OR4N2: variants seen among roughly 807,000 people sequenced by gnomAD.
OR4N2 encodes the protein olfactory receptor family 4 subfamily N member 2.
For missense variants in OR4N2, 307 were observed against 377.6 expected (o/e 0.81, Z 1.55); for synonymous variants, 141 against 140.4 (o/e 1.00, Z -0.03).
intron 1 of OR4N2, among the ~76,000 whole-genome samples, chr14:19,821,111 A>T (rs1221960227): frequency 6.6e-6 from 1 of 152,258 alleles, no homozygotes; most frequent in Non-Finnish European, 1.5e-5. Flanking sequence ...CCATGGGAAA[A>T]GCCTAGTATC....
At chr14:19,811,407 T>C (rs796078944) in intron 1 of OR4N2, among the ~76,000 whole-genome samples, 1 of 152,192 alleles carries the variant, frequency 6.6e-6, no homozygotes, top group Admixed American at 6.5e-5. Context: ...CCACCACGCC[T>C]GGCTAATTTT....
chr14:19,824,147 G>A (rs1283927227), intron 1 of OR4N2, among the ~76,000 whole-genome samples: 2 of 152,224 alleles, frequency 1.3e-5, no homozygotes, highest in Admixed American at 1.3e-4. Flanking sequence ...CTACTAATTT[G>A]CCTAAAATAG....
intron 1 of OR4N2, among the ~76,000 whole-genome samples, chr14:19,813,154 T>C (rs1259799564): frequency 1.3e-5 from 2 of 152,264 alleles, no homozygotes; most frequent in Non-Finnish European, 2.9e-5. Flanking sequence ...AAAAATCATA[T>C]TTTTAAAAGT....
rs928783980 is a variant in OR4N2 at position 19,829,832 on chromosome 14, A to G, written c.*1460A>G. ...ATACTTAGGAATATAAATTTTGTAC[A>G]TGGTAAAAATATTCAGACTATAGAA... On this transcript the variant is annotated 3_prime_UTR_variant, in exon 2 of 2. Transcript: ENST00000557677. 10 of 152,272 alleles carry G rather than the reference A, an allele frequency of 6.6e-5. No homozygotes were observed. Among genetic ancestry groups the G allele is most frequent in the African/African-American group, 2.2e-4 (9 of 41,474 alleles). 9.4% of individuals were successfully genotyped at this position (152,272 alleles called of 1,614,324 possible).
chr14:19,804,441 G>A (rs1879114570), intron 1 of OR4N2, among the ~76,000 whole-genome samples: 1 of 152,110 alleles, frequency 6.6e-6, no homozygotes, highest in Non-Finnish European at 1.5e-5. Context: ...CTTGACTTCT[G>A]CCTGAATTTC....
At chr14:19,824,986 G>C (rs540328798) in intron 1 of OR4N2, among the ~76,000 whole-genome samples, 1 of 152,246 alleles carries the variant, frequency 6.6e-6, no homozygotes, top group African/African-American at 2.4e-5. Context: ...ACTGTAGAAG[G>C]GGCTCTTGAT....
At chr14:19,824,651 C>A (rs542741698) in intron 1 of OR4N2, among the ~76,000 whole-genome samples, 2 of 152,352 alleles carry the variant, frequency 1.3e-5, no homozygotes, top group African/African-American at 4.8e-5. Context: ...CCTTCCTTTT[C>A]CTTCTCCTCC....
At chr14:19,808,167 C>G (rs1197034867) in intron 1 of OR4N2, among the ~76,000 whole-genome samples, 3 of 152,158 alleles carry the variant, frequency 2.0e-5, no homozygotes, top group Non-Finnish European at 2.9e-5. Context: ...CCCTTAAGAA[C>G]TGGAAAAGGA....
At chr14:19,808,383 G>A (rs1879217111) in intron 1 of OR4N2, among the ~76,000 whole-genome samples, 2 of 152,132 alleles carry the variant, frequency 1.3e-5, no homozygotes, top group Admixed American at 6.5e-5. Context: ...TTTTAGGAAG[G>A]TTTCAGGACA....
At chr14:19,814,868 G>A (rs578231323) in intron 1 of OR4N2, among the ~76,000 whole-genome samples, 2 of 152,150 alleles carry the variant, frequency 1.3e-5, no homozygotes, top group South Asian at 2.1e-4. Context: ...TCCCCTCGCT[G>A]TTTCCCTGTG....
intron 1 of OR4N2, among the ~76,000 whole-genome samples, chr14:19,827,008 G>A (rs1158007446): frequency 3.3e-5 from 5 of 152,232 alleles, no homozygotes; most frequent in Non-Finnish European, 7.3e-5. Flanking sequence ...AAATTTTGGG[G>A]TGGTGTGGAC....
Position 19,828,048 on chromosome 14 carries a change from C to T in OR4N2, c.600C>T (p.Val200=). The T allele has an allele frequency of 6.2e-7, 1 of 1,614,238 alleles. No individual in the cohort carries two copies. Among genetic ancestry groups the T allele is most frequent in the Non-Finnish European group, 8.5e-7 (1 of 1,180,042 alleles). ...CATTTGTGGTGGAGCTTCTGATGGT[C>T]TTCAACAGTGGCCTGATGACACTCC... is the stretch of plus-strand genomic sequence containing the variant. The part of the protein sequence containing the change: ...TDTFVVELLM[V]FNSGLMTLLC... The change falls in exon 2 of 2, where the codon GTC becomes GTT. Residue 200 remains valine, a synonymous_variant. Coordinates refer to ENST00000557677, the MANE Select transcript of OR4N2 (RefSeq NM_001004723.3).
At chr14:19,823,973 G>T (rs1189577266) in intron 1 of OR4N2, among the ~76,000 whole-genome samples, 3 of 152,332 alleles carry the variant, frequency 2.0e-5, no homozygotes, top group South Asian at 4.1e-4. Flanking sequence ...ATGTTTCTGT[G>T]TCTCCACCCT....
chr14:19,819,330 C>T (rs1319314333), intron 1 of OR4N2, among the ~76,000 whole-genome samples: 7 of 152,356 alleles, frequency 4.6e-5, no homozygotes, highest in East Asian at 1.9e-4. Context: ...ACCAATCAAA[C>T]GTAGGTTTGG....
intron 1 of OR4N2, among the ~76,000 whole-genome samples, chr14:19,816,511 A>T (rs1403448216): frequency 6.6e-6 from 1 of 152,238 alleles, no homozygotes; most frequent in African/African-American, 2.4e-5. Context: ...TTAATGGTGT[A>T]TAGGAATGTT....
In OR4N2 at chr14:19,808,131, C is replaced by T. The variant is rs1012314500; in HGVS notation, c.-10+4287C>T. On this transcript the variant is annotated intron_variant, in intron 1 of 1. Transcript: ENST00000557677. ...TGACAGACCCACAGCCAACATGATA[C>T]TGAATGGCAAAAGCTGGAAGTATTC... Among the ~76,000 whole-genome samples, 32 of 152,214 alleles carry T rather than the reference C, an allele frequency of 2.1e-4. No homozygotes were observed. In the Middle Eastern group the frequency reaches 0.01, roughly 49 times the overall value.
chr14:19,807,564 C>A (rs1361593630), intron 1 of OR4N2, among the ~76,000 whole-genome samples: 2 of 148,692 alleles, frequency 1.3e-5, no homozygotes, highest in African/African-American at 2.5e-5. Context: ...AGACCAACAT[C>A]AAGCTGTGAA....
At chr14:19,805,375 A>G (rs1221849769) in intron 1 of OR4N2, among the ~76,000 whole-genome samples, 1 of 152,196 alleles carries the variant, frequency 6.6e-6, no homozygotes, top group East Asian at 1.9e-4. Context: ...CTGAAAGACA[A>G]AATAACCACT....
In OR4N2 at chr14:19,803,774, A is replaced by G. The variant is rs1262776372; in HGVS notation, c.-80A>G. 2.0e-5 allele frequency: 3 copies of G among 152,366 alleles called. No homozygotes were observed. The East Asian group carries it at 5.8e-4, about 29-fold the overall frequency. The allele number at this position is 152,366 out of a possible 1,614,324, so 9.4% of individuals were successfully genotyped here. On this transcript the variant is annotated 5_prime_UTR_variant, in exon 1 of 2. Transcript: ENST00000557677. ...AAATTTTCAGAATAGTTTCAGAGGA[A>G]AGGTACTAGCTCTTCTTTATGCATC...
Sources: allele counts gnomAD v4.1 joint callset (sites outside exome capture counted in the v4.1 genomes callset), GRCh38; gene constraint gnomAD v4.1.1; transcripts MANE v1.5; gene names NCBI Gene and HGNC (gene_info 2026-07-23, HGNC 2026-07-21).